Variants in MCM8 observed in about 807,000 individuals in gnomAD.
MCM8 encodes the protein minichromosome maintenance 8 homologous recombination repair factor, also known as DNA helicase MCM8.
In MCM8, 85 loss-of-function variants were observed where a neutral mutation model predicts 98.9. The observed-to-expected ratio is 0.86, with a 90% CI of 0.72 to 1.03. The LOEUF is 1.03. Ranked by LOEUF, MCM8 falls within the 50% of genes least tolerant of loss-of-function variation. The pLI is 0.00. For missense variants in MCM8, 951 were observed against 997.8 expected (o/e 0.95, Z 0.63); for synonymous variants, 352 against 338.6 (o/e 1.04, Z -0.44).
Position 5,994,493 on chromosome 20 carries a change from A to G in MCM8, c.*102A>G, listed in dbSNP as rs2122857663. The G allele has an allele frequency of 1.7e-6, 1 of 580,266 alleles. No homozygotes were observed. The highest frequency in any genetic ancestry group is 3.0e-6 in the Non-Finnish European group (1 of 330,624). 35.9% of individuals were successfully genotyped at this position (580,266 alleles called of 1,614,324 possible). On this transcript the variant is annotated 3_prime_UTR_variant, in exon 19 of 19. Transcript: ENST00000610722. ...CAGACAGACAGACACACACACACACACACACACACACACACACACACACAC... is the reference window on the plus strand; with the variant it reads ...CAGACAGACAGACACACACACACACGCACACACACACACACACACACACAC...
intron 7 of MCM8, among the ~76,000 whole-genome samples, chr20:5,961,900 C>T (rs959074574): frequency 4.6e-5 from 7 of 152,158 alleles, no homozygotes; most frequent in Non-Finnish European, 8.8e-5. Flanking sequence ...GATCTCTATT[C>T]CCGCCACTAT....
intron 14 of MCM8, among the ~76,000 whole-genome samples, chr20:5,984,078 A>G (rs973539770): frequency 1.3e-5 from 2 of 152,258 alleles, no homozygotes; most frequent in Non-Finnish European, 2.9e-5. Context: ...TTATATCTGT[A>G]TGTATGCTTT....
chr20:5,986,500 A>G (rs2089737871), intron 16 of MCM8, among the ~76,000 whole-genome samples: 2 of 152,334 alleles, frequency 1.3e-5, no homozygotes, highest in South Asian at 4.1e-4. Flanking sequence ...ATTTTTTTAC[A>G]TGACAGGTCC....
At position 5,959,045 on chromosome 20, in the gene MCM8, T is replaced by C. The variant is rs138367018; in HGVS notation, c.789+319T>C. The stretch of plus-strand genomic sequence containing the variant: ...GATCATTATCCTGAAGTTATTATAA[T>C]ATGCATCCCTTCCATTCATATTTCT... On this transcript the variant is annotated intron_variant, in intron 7 of 18. Transcript: ENST00000610722. Among the ~76,000 whole-genome samples, 413 of 152,320 alleles carry C rather than the reference T, an allele frequency of 2.7e-3. 4 individuals are homozygous for C. Among genetic ancestry groups the C allele is most frequent in the South Asian group, 4.6e-3 (22 of 4,830 alleles).
Position 5,955,087 on chromosome 20 carries a change from T to C in MCM8, c.337-15T>C. On this transcript the variant is annotated splice_polypyrimidine_tract_variant and intron_variant, in intron 4 of 18. Coordinates refer to ENST00000610722, the MANE Select transcript of MCM8 (RefSeq NM_032485.6). The stretch of plus-strand genomic sequence containing the variant: ...AGAAAAGCAATTATTGTTTTCATAC[T>C]TTTATATTTTATAGGATGAAATAGA... The C allele has an allele frequency of 6.4e-7, 1 of 1,551,930 alleles. No homozygotes were observed. Among genetic ancestry groups the C allele is most frequent in the Non-Finnish European group, 8.8e-7 (1 of 1,131,190 alleles).
rs1379642909 is a variant in MCM8 at position 5,994,557 on chromosome 20, A to C, written c.*166A>C. ...CTGTTCTCTGAAAAATGATGTCCCA[A>C]AAGTATTATAATAGGAAAAAAGCAT... is the stretch of plus-strand genomic sequence containing the variant. On this transcript the variant is annotated 3_prime_UTR_variant, in exon 19 of 19. Coordinates refer to ENST00000610722, the MANE Select transcript of MCM8 (RefSeq NM_032485.6). 6 of 567,268 alleles carry C rather than the reference A, an allele frequency of 1.1e-5. No homozygotes were observed. Among genetic ancestry groups the C allele is most frequent in the Non-Finnish European group, 1.6e-5 (5 of 321,842 alleles). 35.1% of individuals were successfully genotyped at this position (567,268 alleles called of 1,614,324 possible).
At chr20:5,980,255 T>C (rs1691420836) in intron 13 of MCM8, among the ~76,000 whole-genome samples, 1 of 152,168 alleles carries the variant, frequency 6.6e-6, no homozygotes, top group Non-Finnish European at 1.5e-5. Context: ...TTTTACCTTC[T>C]ATATTGTTTA....
At chr20:5,988,466 A>G (rs2089778437) in intron 17 of MCM8, among the ~76,000 whole-genome samples, 1 of 151,992 alleles carries the variant, frequency 6.6e-6, no homozygotes, top group African/African-American at 2.4e-5. Context: ...TGTCTCAAAA[A>G]AAAAAAAGTA....
Position 5,993,708 on chromosome 20 carries a change from A to T in MCM8, c.2430+13A>T, listed in dbSNP as rs572505843. On this transcript the variant is annotated intron_variant, in intron 18 of 18. Transcript: ENST00000610722. Reference sequence around the variant, plus strand: ...ACTAAACATTCAGGTATGTTAAACTAGTTAATCTCTTTTGTAATAATTTCA... The same window carrying T: ...ACTAAACATTCAGGTATGTTAAACTTGTTAATCTCTTTTGTAATAATTTCA... 6.4e-7 allele frequency: 1 copy of T among 1,557,046 alleles called. No individual in the cohort carries two copies.
rs913882045 is a variant in MCM8, at chr20:5,972,928, G to GA, written c.1255-121dup. ...TTTGTTTTTAGACTTCCTTTTCTTA[G>GA]AAAAAAATTATCATGCTTTTAAAAC... On this transcript the variant is annotated intron_variant, in intron 11 of 18. Transcript: ENST00000610722. 5 of 1,359,654 alleles carry GA rather than the reference G, an allele frequency of 3.7e-6. No homozygotes were observed. The African/African-American group carries it at 4.4e-5, about 12-fold the overall frequency. 84.2% of individuals were successfully genotyped at this position (1,359,654 alleles called of 1,614,324 possible). A position where few individuals can be genotyped will look rare whatever the true frequency, so the allele number is the denominator to read the frequency against.
At chr20:5,978,479 T>C (rs1030058941) in intron 13 of MCM8, among the ~76,000 whole-genome samples, 1 of 152,222 alleles carries the variant, frequency 6.6e-6, no homozygotes, top group East Asian at 1.9e-4. Flanking sequence ...CTAAATAGTT[T>C]GGAAACCTTG....
chr20:5,958,143 G>A (rs2089036069), intron 6 of MCM8, among the ~76,000 whole-genome samples: 4 of 152,356 alleles, frequency 2.6e-5, no homozygotes, highest in South Asian at 4.1e-4. Flanking sequence ...GTCCGAGGCA[G>A]GCGGATCACG....
In MCM8 at chr20:5,997,488, T is replaced by G. The variant is rs1374263402; in HGVS notation, c.*3097T>G. ...GAGCCATTGTGCCCAGCCAAAAGTT[T>G]CTTTTTCAAGAGATGGTGGTCTTGC... On this transcript the variant is annotated 3_prime_UTR_variant, in exon 19 of 19. Transcript: ENST00000610722. 6.6e-6 allele frequency: 1 copy of G among 152,306 alleles called. No homozygotes were observed. Among genetic ancestry groups the G allele is most frequent in the Non-Finnish European group, 1.5e-5 (1 of 68,196 alleles). The allele number at this position is 152,306 out of a possible 1,614,324, so 9.4% of individuals were successfully genotyped here.
chr20:5,993,365 C>A, intron 17 of MCM8, 141 bp from the exon 18 acceptor site: 1 of 501,496 alleles, frequency 2.0e-6, no homozygotes, highest in Non-Finnish European at 3.4e-6. Context: ...CAGAGTGGCC[C>A]CTCAATAAAC....
chr20:5,994,681 T>G lies in MCM8; in HGVS notation c.*290T>G, dbSNP rs1315566186. ...CAGGAGGCTGAGGTGAGAGGATTCC[T>G]TGAGGCCAGGGTTCGAGACCAACCT... On this transcript the variant is annotated 3_prime_UTR_variant, in exon 19 of 19. Coordinates refer to ENST00000610722, the MANE Select transcript of MCM8 (RefSeq NM_032485.6). 1 of 479,102 alleles carries G rather than the reference T, an allele frequency of 2.1e-6. No homozygotes were observed. The highest frequency in any genetic ancestry group is 1.7e-5 in the South Asian group (1 of 59,526). 29.7% of individuals were successfully genotyped at this position (479,102 alleles called of 1,614,324 possible). A position where few individuals can be genotyped will look rare whatever the true frequency, so the allele number is the denominator to read the frequency against.
At chr20:5,993,841 ATTG>A (rs1236077596) in intron 18 of MCM8, 146 bp downstream of exon 18, 12 of 606,758 alleles carry the variant, frequency 2.0e-5, no homozygotes, top group African/African-American at 1.3e-4. Flanking sequence ...AGAGGGAAAC[ATTG>A]TAGTAAGACA....
intron 13 of MCM8, among the ~76,000 whole-genome samples, chr20:5,979,744 G>T (rs949824366): frequency 1.3e-5 from 2 of 152,032 alleles, no homozygotes; most frequent in Non-Finnish European, 2.9e-5. Context: ...CTCCTAATTG[G>T]CATGCCTGTA....
rs1568604453 is a variant in MCM8, at chr20:5,994,482, C to CAG, written c.*92_*93insGA. 3.2e-6 allele frequency: 1 copy of CAG among 314,850 alleles called. No homozygotes were observed. Among genetic ancestry groups the CAG allele is most frequent in the African/African-American group, 3.3e-5 (1 of 30,618 alleles). 19.5% of individuals were successfully genotyped at this position (314,850 alleles called of 1,614,324 possible). A position where few individuals can be genotyped will look rare whatever the true frequency, so the allele number is the denominator to read the frequency against. On this transcript the variant is annotated 3_prime_UTR_variant, in exon 19 of 19. Coordinates refer to ENST00000610722, the MANE Select transcript of MCM8 (RefSeq NM_032485.6). ...GCGTGCACGCACAGACAGACAGACA[C>CAG]ACACACACACACACACACACACACA...
chr20:5,952,688 T>G lies in MCM8; in HGVS notation c.253+160T>G, dbSNP rs144513850. Among the ~76,000 whole-genome samples, 79 of 152,320 alleles carry G rather than the reference T, an allele frequency of 5.2e-4. No homozygotes were observed. The East Asian group carries it at 9.6e-3, about 19-fold the overall frequency. ...ATGATGTTTATGTTTCAAAAGCATT[T>G]TAGACTTTATATCAGTCAGGAAAGC... On this transcript the variant is annotated intron_variant, in intron 3 of 18. Coordinates refer to ENST00000610722, the MANE Select transcript of MCM8 (RefSeq NM_032485.6).
Sources: gnomAD v4.1 joint callset for allele counts (sites outside exome capture counted in the v4.1 genomes callset) on GRCh38, gnomAD v4.1.1 for gene constraint, MANE v1.5 for transcripts, NCBI Gene and HGNC (gene_info 2026-07-23, HGNC 2026-07-21) for gene names.